SCD5: variants seen among roughly 807,000 people sequenced by gnomAD.
SCD5 encodes stearoyl-CoA desaturase 5.
A neutral mutation model predicts 30.4 loss-of-function variants in SCD5; 20 were observed. The observed-to-expected ratio is 0.66, with a 90% CI of 0.46 to 0.96. The LOEUF is 0.96. Ranked by LOEUF, SCD5 falls within the 40% of genes least tolerant of loss-of-function variation. The pLI is 0.00. For synonymous variants in SCD5, 173 were observed against 176.4 expected (o/e 0.98, Z 0.16); for missense variants, 381 against 443.3 (o/e 0.86, Z 1.26).
chr4:82,719,176 C>G (rs1214204784), intron 1 of SCD5, among the ~76,000 whole-genome samples: 1 of 151,818 alleles, frequency 6.6e-6, no homozygotes, highest in Non-Finnish European at 1.5e-5. Flanking sequence ...AAAGATCTGG[C>G]AATGTCAGGC....
intron 1 of SCD5, among the ~76,000 whole-genome samples, chr4:82,740,514 A>G (rs546122262): frequency 2.6e-5 from 4 of 152,342 alleles, no homozygotes; most frequent in African/African-American, 9.6e-5. Context: ...GTTCATTTTC[A>G]CAATAAGCTT....
Position 82,631,217 on chromosome 4 carries a change from C to T in SCD5, c.*110G>A, listed in dbSNP as rs145936629. The stretch of plus-strand genomic sequence containing the variant: ...CATTCCCAAACCACATTGACTCGTT[C>T]CTTCCCCACCCTCTGCCCCCTCCCA... On this transcript the variant is annotated 3_prime_UTR_variant, in exon 5 of 5. Coordinates refer to ENST00000319540, the MANE Select transcript of SCD5 (RefSeq NM_001037582.3). The T allele has an allele frequency of 3.5e-5, 28 of 805,632 alleles. No homozygotes were observed. In the African/African-American group the frequency reaches 4.7e-4, roughly 14 times the overall value. 49.9% of individuals were successfully genotyped at this position (805,632 alleles called of 1,614,324 possible). A position where few individuals can be genotyped will look rare whatever the true frequency, so the allele number is the denominator to read the frequency against.
intron 3 of SCD5, among the ~76,000 whole-genome samples, chr4:82,648,677 T>C (rs1353411498): frequency 6.6e-6 from 1 of 152,218 alleles, no homozygotes; most frequent in African/African-American, 2.4e-5. Context: ...AGGTCTACCC[T>C]GAGCAGCTGT....
chr4:82,639,968 C>T (rs1727507497), intron 3 of SCD5, among the ~76,000 whole-genome samples: 1 of 152,202 alleles, frequency 6.6e-6, no homozygotes, highest in African/African-American at 2.4e-5. Context: ...GCCCTGGGCA[C>T]TTCTCTCTCT....
At chr4:82,710,894 C>CAGAG (rs34374340) in intron 1 of SCD5, among the ~76,000 whole-genome samples, 1 of 149,838 alleles carries the variant, frequency 6.7e-6, no homozygotes, top group African/African-American at 2.5e-5. Flanking sequence ...GAAAACGAGA[C>CAGAG]AGAGAGAGAG....
At chr4:82,789,249 A>G (rs1722050013) in intron 1 of SCD5, among the ~76,000 whole-genome samples, 1 of 152,210 alleles carries the variant, frequency 6.6e-6, no homozygotes, top group Admixed American at 6.5e-5. Flanking sequence ...AGATTTTAAT[A>G]ACAGCCTTTT....
intron 1 of SCD5, among the ~76,000 whole-genome samples, chr4:82,727,955 G>A (rs1413694749): frequency 2.6e-5 from 4 of 151,970 alleles, no homozygotes; most frequent in South Asian, 2.1e-4. Context: ...TGATCTGCCC[G>A]CCTCGGCCCT....
At chr4:82,729,387 A>G (rs1343911056) in intron 1 of SCD5, among the ~76,000 whole-genome samples, 1 of 152,140 alleles carries the variant, frequency 6.6e-6, no homozygotes, top group Non-Finnish European at 1.5e-5. Context: ...TGAGGATTAT[A>G]GTCAGCGATG....
At chr4:82,705,526 G>T (rs2148827566) in intron 1 of SCD5, 113 bp from the exon 2 acceptor site, 1 of 1,358,074 alleles carries the variant, frequency 7.4e-7, no homozygotes, top group Non-Finnish European at 1.0e-6. Flanking sequence ...AGGGGGGAAA[G>T]CTGCAACATG....
At chr4:82,781,242 C>T (rs1721865741) in intron 1 of SCD5, among the ~76,000 whole-genome samples, 1 of 152,014 alleles carries the variant, frequency 6.6e-6, no homozygotes, top group Non-Finnish European at 1.5e-5. Flanking sequence ...TGGTGAAACC[C>T]TATCTCTACT....
chr4:82,631,231 T>G lies in SCD5; in HGVS notation c.*96A>C. 1.0e-6 allele frequency: 1 copy of G among 984,920 alleles called. No homozygotes were observed. The highest frequency in any genetic ancestry group is 1.5e-6 in the Non-Finnish European group (1 of 684,278). 61.0% of individuals were successfully genotyped at this position (984,920 alleles called of 1,614,324 possible). A position where few individuals can be genotyped will look rare whatever the true frequency, so the allele number is the denominator to read the frequency against. ...ATTGACTCGTTCCTTCCCCACCCTC[T>G]GCCCCCTCCCACGATCCAATGTACA... On this transcript the variant is annotated 3_prime_UTR_variant, in exon 5 of 5. Coordinates refer to ENST00000319540, the MANE Select transcript of SCD5 (RefSeq NM_001037582.3).
chr4:82,705,727 T>C (rs546392790), intron 1 of SCD5, among the ~76,000 whole-genome samples: 24 of 152,324 alleles, frequency 1.6e-4, no homozygotes, highest in African/African-American at 5.5e-4. Context: ...ACATTTGCAA[T>C]TCAATTTCAC....
chr4:82,791,807 A>AAACAAC (rs368698266), intron 1 of SCD5, among the ~76,000 whole-genome samples: 1 of 152,062 alleles, frequency 6.6e-6, no homozygotes, highest in South Asian at 2.1e-4. Context: ...TAGATCCTTA[A>AAACAAC]AACAACAACA....
In SCD5 at chr4:82,734,048, G is replaced by A. The variant is rs568199146; in HGVS notation, c.233-28635C>T. ...CTTAAGAACGTCTAGCTACTTGGAGGAAATGTGAGACTATATTTTATTAAG... is the reference window on the plus strand; with the variant it reads ...CTTAAGAACGTCTAGCTACTTGGAGAAAATGTGAGACTATATTTTATTAAG... On this transcript the variant is annotated intron_variant, in intron 1 of 4. Coordinates refer to ENST00000319540, the MANE Select transcript of SCD5 (RefSeq NM_001037582.3). Among the ~76,000 whole-genome samples, 10 of 152,278 alleles carry A rather than the reference G, an allele frequency of 6.6e-5. No homozygotes were observed. In the South Asian group the frequency reaches 1.0e-3, roughly 16 times the overall value.
intron 3 of SCD5, among the ~76,000 whole-genome samples, chr4:82,642,714 G>C (rs1186163034): frequency 6.6e-6 from 1 of 152,252 alleles, no homozygotes; most frequent in Admixed American, 6.5e-5. Flanking sequence ...TCGCAGCCCT[G>C]ACTGCACATT....
intron 3 of SCD5, among the ~76,000 whole-genome samples, chr4:82,639,825 C>T (rs1195159303): frequency 3.3e-5 from 5 of 152,222 alleles, no homozygotes; most frequent in Admixed American, 6.5e-5. Flanking sequence ...CTCCTTCCTC[C>T]GCTCTTTGGA....
intron 3 of SCD5, chr4:82,661,133 G>T: frequency 1.3e-6 from 2 of 1,487,698 alleles, no homozygotes; most frequent in South Asian, 1.1e-5. Context: ...TTCAGCAAGG[G>T]TTTAATTTCT....
intron 3 of SCD5, among the ~76,000 whole-genome samples, chr4:82,677,526 C>T (rs924210702): frequency 2.0e-5 from 3 of 152,244 alleles, no homozygotes; most frequent in Non-Finnish European, 2.9e-5. Flanking sequence ...CACCGTCTAA[C>T]TGGCAGGACC....
At chr4:82,765,072 T>C (rs186393612) in intron 1 of SCD5, among the ~76,000 whole-genome samples, 4 of 152,350 alleles carry the variant, frequency 2.6e-5, no homozygotes, top group Admixed American at 6.5e-5. Context: ...TTATCTACTA[T>C]TTACCATTTC....
Sources: allele counts gnomAD v4.1 joint callset (sites outside exome capture counted in the v4.1 genomes callset), GRCh38; gene constraint gnomAD v4.1.1; transcripts MANE v1.5; gene names NCBI Gene and HGNC (gene_info 2026-07-23, HGNC 2026-07-21).